The following RORA variants were observed in gnomAD, a reference collection of about 807,000 sequenced individuals.
The protein encoded by RORA is nuclear receptor ROR-alpha.
In RORA, 7 loss-of-function variants were observed where a neutral mutation model predicts 69.5. The observed-to-expected ratio is 0.10, with a 90% confidence interval of 0.06 to 0.19. The LOEUF (loss-of-function observed/expected upper bound fraction) is 0.19. RORA is among the 10% of genes least tolerant of loss of function. RORA has a pLI of 1.00. For missense variants in RORA, 457 were observed against 663.0 expected, an observed-to-expected ratio of 0.69 and a Z score of 3.41; for synonymous variants, 261 against 240.8, an observed-to-expected ratio of 1.08 and a Z score of -0.78.
chr15:60,568,682 C>T (rs948177532), intron 2 of RORA, among the ~76,000 whole-genome samples: 1 of 152,186 alleles, frequency 6.6e-6, no homozygotes, highest in Non-Finnish European at 1.5e-5. Flanking sequence ...TCCTTTGGCT[C>T]GAAGGGCCTT....
intron 1 of RORA, among the ~76,000 whole-genome samples, chr15:60,704,269 G>A (rs1330161189): frequency 6.6e-6 from 1 of 152,246 alleles, no homozygotes; most frequent in Non-Finnish European, 1.5e-5. Context: ...TGGTTTGGAG[G>A]TGAGTTGTAG....
At chr15:61,138,769 G>A (rs2079268795) in intron 1 of RORA, among the ~76,000 whole-genome samples, 1 of 152,048 alleles carries the variant, frequency 6.6e-6, no homozygotes, top group Admixed American at 6.5e-5. Context: ...AAAAACAAAT[G>A]TTCTGCAAAT....
At chr15:60,646,045 C>T (rs1023749528) in intron 2 of RORA, among the ~76,000 whole-genome samples, 2 of 152,186 alleles carry the variant, frequency 1.3e-5, no homozygotes, top group Admixed American at 1.3e-4. Flanking sequence ...GACACCCTGG[C>T]AAAGTCTTGA....
At position 61,206,178 on chromosome 15, in the gene RORA, T is replaced by G. The variant is rs2079939619; in HGVS notation, c.166+22875A>C. 5.1e-4 allele frequency among the ~76,000 whole-genome samples: 4 copies of G among 7,892 alleles called. No homozygotes were observed. The South Asian group carries it at 0.083, about 164-fold the overall frequency. 5.2% of individuals were successfully genotyped at this position (7,892 alleles called of 152,430 possible). ...ACTCATTGAGGATGCAGATAATACTTTATTTAATCTTTGTAACCTCAGCCC... is the reference window on the plus strand; with the variant it reads ...ACTCATTGAGGATGCAGATAATACTGTATTTAATCTTTGTAACCTCAGCCC... On this transcript the variant is annotated intron_variant, in intron 1 of 10. Coordinates refer to ENST00000335670, the MANE Select transcript of RORA (RefSeq NM_134261.3).
intron 1 of RORA, among the ~76,000 whole-genome samples, chr15:60,936,081 G>A (rs1034008556): frequency 6.6e-6 from 1 of 152,148 alleles, no homozygotes; most frequent in African/African-American, 2.4e-5. Flanking sequence ...ATTACCCATG[G>A]GAAGGTCTGC....
intron 1 of RORA, among the ~76,000 whole-genome samples, chr15:60,708,727 C>G (rs78472389): frequency 6.6e-6 from 1 of 152,126 alleles, no homozygotes; most frequent in Non-Finnish European, 1.5e-5. Context: ...CAGGGTATAG[C>G]GGCAATAGAG....
At chr15:60,769,797 A>T (rs933101993) in intron 1 of RORA, among the ~76,000 whole-genome samples, 5 of 152,086 alleles carry the variant, frequency 3.3e-5, no homozygotes, top group Non-Finnish European at 5.9e-5. Flanking sequence ...TCTAATAATT[A>T]GCCACCCATT....
intron 1 of RORA, among the ~76,000 whole-genome samples, chr15:61,084,718 C>T (rs555176809): frequency 5.6e-4 from 86 of 152,256 alleles, no homozygotes; most frequent in African/African-American, 2.0e-3. Flanking sequence ...GCAGCTGCTC[C>T]GCTCTAGTCA....
At chr15:60,644,493 T>C (rs1249854814) in intron 2 of RORA, among the ~76,000 whole-genome samples, 2 of 152,226 alleles carry the variant, frequency 1.3e-5, no homozygotes, top group African/African-American at 4.8e-5. Flanking sequence ...AATTGGAATC[T>C]TTGACATGGG....
chr15:60,555,812 A>C (rs1362801832), intron 2 of RORA, among the ~76,000 whole-genome samples: 2 of 152,072 alleles, frequency 1.3e-5, no homozygotes, highest in East Asian at 3.8e-4. Context: ...AAATGACTTT[A>C]AGAAAATGTT....
intron 1 of RORA, among the ~76,000 whole-genome samples, chr15:61,101,502 TGGC>T (rs2078879397): frequency 6.6e-6 from 1 of 152,122 alleles, no homozygotes; most frequent in African/African-American, 2.4e-5. Context: ...TAGATCAGTA[TGGC>T]TAGAATTCAG....
At chr15:60,892,174 G>C (rs1169138507) in intron 1 of RORA, among the ~76,000 whole-genome samples, 1 of 152,136 alleles carries the variant, frequency 6.6e-6, no homozygotes, top group Non-Finnish European at 1.5e-5. Context: ...ATCTTCATTA[G>C]GCAGATGAGG....
chr15:60,907,299 T>C (rs1359024260), intron 1 of RORA, among the ~76,000 whole-genome samples: 2 of 152,132 alleles, frequency 1.3e-5, no homozygotes, highest in Non-Finnish European at 2.9e-5. Flanking sequence ...ATTCATGGAA[T>C]AGATGTCTCT....
At chr15:61,045,723 G>C (rs1896987932) in intron 1 of RORA, among the ~76,000 whole-genome samples, 1 of 152,188 alleles carries the variant, frequency 6.6e-6, no homozygotes, top group Admixed American at 6.5e-5. Flanking sequence ...GCATACTGCA[G>C]TGTCCAGCAA....
chr15:60,809,825 C>A (rs539186449), intron 1 of RORA, among the ~76,000 whole-genome samples: 4 of 150,812 alleles, frequency 2.7e-5, no homozygotes, highest in Admixed American at 2.6e-4. Context: ...AACTTTTTTG[C>A]TTGCTTAATT....
At chr15:60,501,167 AG>A in intron 8 of RORA, 98 bp from the exon 9 acceptor site, 1 of 605,992 alleles carries the variant, frequency 1.7e-6, no homozygotes, top group Non-Finnish European at 3.0e-6. Context: ...TAAGTCCAAT[AG>A]AAGGTCTTAG....
At chr15:60,753,719 A>G (rs1347629459) in intron 1 of RORA, among the ~76,000 whole-genome samples, 1 of 152,224 alleles carries the variant, frequency 6.6e-6, no homozygotes, top group African/African-American at 2.4e-5. Flanking sequence ...TTGGAACCTG[A>G]CAAGCTCTGA....
At chr15:61,075,485 C>T (rs184171279) in intron 1 of RORA, among the ~76,000 whole-genome samples, 43 of 152,294 alleles carry the variant, frequency 2.8e-4, no homozygotes, top group African/African-American at 1.0e-3. Flanking sequence ...CCCCATTAGT[C>T]TGTGCTTCTC....
At chr15:60,648,350 C>T (rs550285112) in intron 2 of RORA, among the ~76,000 whole-genome samples, 1 of 152,316 alleles carries the variant, frequency 6.6e-6, no homozygotes, top group South Asian at 2.1e-4. Flanking sequence ...ATTTAAAAAT[C>T]ACTTTCAGAA....
Sources: gnomAD v4.1 joint callset for allele counts (sites outside exome capture counted in the v4.1 genomes callset) on GRCh38, gnomAD v4.1.1 for gene constraint, MANE v1.5 for transcripts, NCBI Gene and HGNC (gene_info 2026-07-23, HGNC 2026-07-21) for gene names.